The following BCHE variants were observed in gnomAD, a reference collection of about 807,000 sequenced individuals.
BCHE encodes butyrylcholinesterase.
A neutral mutation model predicts 51.3 loss-of-function variants in BCHE; 48 were observed. That is an observed-to-expected ratio of 0.94 (90% confidence interval 0.74 to 1.19). The LOEUF is 1.19. Ranked by LOEUF, BCHE falls within the 50% of genes most tolerant of loss-of-function variation. The pLI, the probability that BCHE is intolerant of heterozygous loss-of-function variation, is 0.00. For missense variants in BCHE, 847 were observed against 708.2 expected (o/e 1.20, Z -2.23); for synonymous variants, 251 against 238.0 (o/e 1.05, Z -0.50).
chr3:165,833,212 A>G (rs991793519), intron 1 of BCHE, among the ~76,000 whole-genome samples: 1 of 152,116 alleles, frequency 6.6e-6, no homozygotes, highest in African/African-American at 2.4e-5. Context: ...TTCTACATTC[A>G]TGATATTTAG....
At chr3:165,800,753 G>T (rs747675375) in intron 2 of BCHE, among the ~76,000 whole-genome samples, 20 of 152,040 alleles carry the variant, frequency 1.3e-4, no homozygotes, top group Non-Finnish European at 2.5e-4. Context: ...TCAGGAAGCT[G>T]TTTGTTAGTC....
chr3:165,816,129 T>A (rs990881382), intron 2 of BCHE, among the ~76,000 whole-genome samples: 5 of 151,854 alleles, frequency 3.3e-5, no homozygotes. Flanking sequence ...TTTGTCATAC[T>A]TTTTTGATGT....
At chr3:165,813,105 C>A (rs1008556274) in intron 2 of BCHE, among the ~76,000 whole-genome samples, 2 of 151,516 alleles carry the variant, frequency 1.3e-5, no homozygotes, top group African/African-American at 2.4e-5. Context: ...GAAAAAATAT[C>A]ATAAAATTAG....
intron 3 of BCHE, chr3:165,778,749 T>C: frequency 2.3e-6 from 1 of 430,588 alleles, no homozygotes; most frequent in South Asian, 1.6e-5. Flanking sequence ...CTGTAAATGT[T>C]ATCAAATTAG....
intron 3 of BCHE, among the ~76,000 whole-genome samples, chr3:165,783,770 T>A (rs1411847674): frequency 6.6e-6 from 1 of 152,066 alleles, no homozygotes; most frequent in East Asian, 1.9e-4. Context: ...CTACTTCTTT[T>A]TCTTTTTTCA....
At chr3:165,776,893 A>T (rs1258196317) in intron 3 of BCHE, among the ~76,000 whole-genome samples, 1 of 151,928 alleles carries the variant, frequency 6.6e-6, no homozygotes, top group Admixed American at 6.6e-5. Flanking sequence ...TCATAATATC[A>T]ACAATAGGTC....
At position 165,833,762 on chromosome 3, in the gene BCHE, G is replaced by T. The variant is rs569268471; in HGVS notation, c.-8-2721C>A. On this transcript the variant is annotated intron_variant, in intron 1 of 3. Transcript: ENST00000264381. ...TTTAATAAATGCAGGAGAGCATCTG[G>T]AGAAAAACAAAGTGCTAGTATGATT... Among the ~76,000 whole-genome samples, 3 of 146,448 alleles carry T rather than the reference G, an allele frequency of 2.0e-5. No homozygotes were observed. In the South Asian group the frequency reaches 6.8e-4, roughly 33 times the overall value.
intron 2 of BCHE, among the ~76,000 whole-genome samples, chr3:165,822,361 C>T: frequency 6.6e-6 from 1 of 151,910 alleles, no homozygotes; most frequent in East Asian, 1.9e-4. Context: ...GGTGTGGAAG[C>T]TAAGTTTAAT....
chr3:165,774,577 T>A (rs770734098), intron 3 of BCHE, among the ~76,000 whole-genome samples: 1 of 152,054 alleles, frequency 6.6e-6, no homozygotes, highest in Non-Finnish European at 1.5e-5. Context: ...TGACCTCAGG[T>A]GATCCACCTG....
At chr3:165,833,140 T>C (rs1219646747) in intron 1 of BCHE, among the ~76,000 whole-genome samples, 2 of 152,172 alleles carry the variant, frequency 1.3e-5, no homozygotes, top group East Asian at 3.8e-4. Flanking sequence ...CAGTTCTGTT[T>C]GGTACAATTA....
intron 3 of BCHE, among the ~76,000 whole-genome samples, chr3:165,777,509 A>G (rs1712516401): frequency 6.6e-6 from 1 of 152,150 alleles, no homozygotes; most frequent in Non-Finnish European, 1.5e-5. Context: ...ATATCAACTA[A>G]AAAGATTATC....
At chr3:165,827,073 T>G (rs1465324299) in intron 2 of BCHE, among the ~76,000 whole-genome samples, 1 of 152,140 alleles carries the variant, frequency 6.6e-6, no homozygotes, top group Non-Finnish European at 1.5e-5. Flanking sequence ...GTCAGAAAGA[T>G]GTGGATAGAT....
At chr3:165,822,776 T>C (rs1424129408) in intron 2 of BCHE, among the ~76,000 whole-genome samples, 1 of 152,126 alleles carries the variant, frequency 6.6e-6, no homozygotes, top group Non-Finnish European at 1.5e-5. Flanking sequence ...TTATACTATC[T>C]TACTAATTAC....
chr3:165,787,180 A>G (rs1712987069), intron 2 of BCHE, among the ~76,000 whole-genome samples: 1 of 151,822 alleles, frequency 6.6e-6, no homozygotes, highest in African/African-American at 2.4e-5. Flanking sequence ...TGTCGACTCT[A>G]TCTTTTCAAT....
chr3:165,801,930 T>C (rs1043163495), intron 2 of BCHE, among the ~76,000 whole-genome samples: 3 of 152,220 alleles, frequency 2.0e-5, no homozygotes, highest in Admixed American at 6.5e-5. Flanking sequence ...CTAGTCATAA[T>C]ATTACACACA....
Position 165,830,952 on chromosome 3 carries a change from T to G in BCHE, c.82A>C (p.Thr28Pro). The change falls in exon 2 of 4, where the codon ACT (threonine) becomes CCT (proline). Residue 28 changes from threonine (T) to proline (P), a missense_variant. By Grantham distance (38) the Thr-to-Pro change is conservative (BLOSUM62 -1). Transcript: ENST00000264381. ...GTTGCAATTATGATGTCATCTTCAGTATGTGACTTCCCAATAAGCATGCAG... is the reference window on the plus strand; with the variant it reads ...GTTGCAATTATGATGTCATCTTCAGGATGTGACTTCCCAATAAGCATGCAG... ...LLCMLIGKSH[T>P]EDDIIIATKN... The G allele has an allele frequency of 6.2e-7, 1 of 1,613,866 alleles. No homozygotes were observed. The highest frequency in any genetic ancestry group is 2.2e-5 in the East Asian group (1 of 44,860).
In BCHE at chr3:165,797,743, T is replaced by C. The variant is rs139616758; in HGVS notation, c.1518-11432A>G. 1.7e-4 allele frequency among the ~76,000 whole-genome samples: 26 copies of C among 152,254 alleles called. No individual in the cohort carries two copies. In the East Asian group the frequency reaches 2.9e-3, roughly 17 times the overall value. On this transcript the variant is annotated intron_variant, in intron 2 of 3. Transcript: ENST00000264381. Reference sequence around the variant, plus strand: ...CGTCTGTTTGCTTTAGTCTGTGCCATAAAATTGATGGCAGCAAGCCCACAG... The same window carrying C: ...CGTCTGTTTGCTTTAGTCTGTGCCACAAAATTGATGGCAGCAAGCCCACAG...
rs757948667 is a variant in BCHE, at chr3:165,829,947, G to A, written c.1087C>T (p.Pro363Ser). 1.9e-6 allele frequency: 3 copies of A among 1,613,460 alleles called. No individual in the cohort carries two copies. Among genetic ancestry groups the A allele is most frequent in the Admixed American group, 1.7e-5 (1 of 59,838 alleles). ...EGTAFLVYGA[P>S]GFSKDNNSII... The stretch of plus-strand genomic sequence containing the variant: ...CTATTGTTATCTTTGCTGAAGCCAG[G>A]AGCACCATAGACTAAAAAAGCTGTC... The change falls in exon 2 of 4, where the codon CCT (proline) becomes TCT (serine). Residue 363 changes from proline to serine, a missense_variant. Pro to Ser is a moderately conservative substitution (Grantham distance 74). Transcript: ENST00000264381.
intron 2 of BCHE, among the ~76,000 whole-genome samples, chr3:165,807,695 C>T (rs1426383644): frequency 2.6e-5 from 4 of 151,842 alleles, no homozygotes; most frequent in Non-Finnish European, 5.9e-5. Context: ...CCTGGGACTA[C>T]AGGCACATGC....
Sources: gnomAD v4.1 joint callset for allele counts (sites outside exome capture counted in the v4.1 genomes callset) on GRCh38, gnomAD v4.1.1 for gene constraint, MANE v1.5 for transcripts, NCBI Gene and HGNC (gene_info 2026-07-23, HGNC 2026-07-21) for gene names.